The following CEP97 variants were observed in gnomAD, a reference collection of about 807,000 sequenced individuals.
CEP97 encodes the protein centrosomal protein 97.
Under a neutral mutation model 73.1 loss-of-function variants are expected in CEP97, and 43 were observed. The observed-to-expected ratio is 0.59, with a 90% CI of 0.46 to 0.76. CEP97 has a LOEUF of 0.76. CEP97 is among the 30% of genes least tolerant of loss of function. The pLI, the probability that CEP97 is intolerant of heterozygous loss-of-function variation, is 0.00. For synonymous variants in CEP97, 337 were observed against 370.0 expected (o/e 0.91, Z 1.02); for missense variants, 939 against 1,014.0 (o/e 0.93, Z 1.00).
At chr3:101,747,178 G>A (rs1938643722) in intron 6 of CEP97, among the ~76,000 whole-genome samples, 1 of 151,510 alleles carries the variant, frequency 6.6e-6, no homozygotes, top group Non-Finnish European at 1.5e-5. Flanking sequence ...CCCATTACTG[G>A]GTATATACCC....
chr3:101,762,320 AAAAAAT>A (rs1289626037), intron 9 of CEP97, among the ~76,000 whole-genome samples, 159 bp from the exon 10 acceptor site: 1 of 151,596 alleles, frequency 6.6e-6, no homozygotes, highest in Non-Finnish European at 1.5e-5. Context: ...TCTGAGGTTA[AAAAAAT>A]AAAAATAAAA....
At chr3:101,750,073 C>T (rs1000871443) in intron 6 of CEP97, among the ~76,000 whole-genome samples, 1 of 142,754 alleles carries the variant, frequency 7.0e-6, no homozygotes, top group Admixed American at 7.0e-5. Flanking sequence ...CTTGCCCATG[C>T]CTATGTCCTG....
rs150586600 is a variant in CEP97, at chr3:101,758,009, G to T, written c.1403G>T (p.Arg468Ile). ...AANENSVQMM[R>I]SEINTEVNEK... ...AATGAGAATTCTGTTCAAATGATGA[G>T]AAGTGAAATCAATACAGAGGTAAAT... The change falls in exon 9 of 11, where the codon AGA becomes ATA. Residue 468 changes from arginine to isoleucine, a missense_variant. Coordinates refer to ENST00000341893, the MANE Select transcript of CEP97 (RefSeq NM_024548.4). 81 of 1,614,228 alleles carry T rather than the reference G, an allele frequency of 5.0e-5. No individual in the cohort carries two copies. In the African/African-American group the frequency reaches 1.0e-3, roughly 20 times the overall value.
intron 4 of CEP97, 110 bp from the exon 5 acceptor site, chr3:101,731,730 A>G (rs1171590076): frequency 3.1e-6 from 2 of 647,318 alleles, no homozygotes; most frequent in Admixed American, 2.7e-5. Flanking sequence ...GATGAGAAAT[A>G]TAATAAAGTA....
rs906073423 is a variant in CEP97, at chr3:101,768,958, A to G, written c.*3407A>G. 2.0e-5 allele frequency: 3 copies of G among 152,202 alleles called. No individual in the cohort carries two copies. The highest frequency in any genetic ancestry group is 2.0e-4 in the Admixed American group (3 of 15,268). The allele number at this position is 152,202 out of a possible 1,614,324, so 9.4% of individuals were successfully genotyped here. A position where few individuals can be genotyped will look rare whatever the true frequency, so the allele number is the denominator to read the frequency against. On this transcript the variant is annotated 3_prime_UTR_variant, in exon 11 of 11. Coordinates refer to ENST00000341893, the MANE Select transcript of CEP97 (RefSeq NM_024548.4). ...GTTTTAGGAAAATGTTCATTTATTT[A>G]GTCATATAATCGTTTGTATATATGT...
chr3:101,727,436 G>C lies in CEP97; in HGVS notation c.240G>C (p.Thr80=), dbSNP rs548722311. 1.2e-6 allele frequency: 2 copies of C among 1,613,906 alleles called. No homozygotes were observed. Among genetic ancestry groups the C allele is most frequent in the South Asian group, 1.1e-5 (1 of 91,064 alleles). ...GGATGATGGGTGTGGCCAAGCTGAC[G>C]TTGCTTCGTGTATTAAATTTGCCTC... ...LVRMMGVAKL[T]LLRVLNLPHN... Residue 80 remains threonine, a synonymous_variant, in exon 3 of 11, where the codon ACG becomes ACC. Transcript: ENST00000341893.
At chr3:101,755,330 G>T (rs1014824383) in intron 6 of CEP97, 100 bp from the exon 7 acceptor site, 10 of 971,406 alleles carry the variant, frequency 1.0e-5, no homozygotes, top group Non-Finnish European at 1.6e-5. Flanking sequence ...ACATACAATG[G>T]TGCTATAAAG....
intron 6 of CEP97, among the ~76,000 whole-genome samples, chr3:101,746,836 AAAAC>A (rs1341487525): frequency 2.7e-5 from 4 of 149,728 alleles, no homozygotes; most frequent in East Asian, 3.9e-4. Flanking sequence ...TTACAAGAAA[AAAAC>A]AAACAACCCC....
At chr3:101,757,427 A>G (rs190066405) in intron 8 of CEP97, among the ~76,000 whole-genome samples, 1 of 152,326 alleles carries the variant, frequency 6.6e-6, no homozygotes, top group East Asian at 1.9e-4. Context: ...CCTTTTATAT[A>G]GACCTGATGC....
At chr3:101,725,143 G>A (rs1937837837) in intron 1 of CEP97, among the ~76,000 whole-genome samples, 3 of 152,206 alleles carry the variant, frequency 2.0e-5, no homozygotes. Context: ...CCTTCCCTCA[G>A]AGACCGCTGC....
At chr3:101,743,087 A>T (rs1460453820) in intron 6 of CEP97, among the ~76,000 whole-genome samples, 1 of 151,962 alleles carries the variant, frequency 6.6e-6, no homozygotes, top group Non-Finnish European at 1.5e-5. Flanking sequence ...CTACAAAAAA[A>T]TACAAAAAAT....
intron 6 of CEP97, among the ~76,000 whole-genome samples, chr3:101,748,171 C>T (rs1304494269): frequency 4.4e-5 from 6 of 137,636 alleles, no homozygotes; most frequent in Non-Finnish European, 6.2e-5. Context: ...TATGTTAGAG[C>T]TGAATGAGTC....
At chr3:101,744,600 A>AT (rs1938559643) in intron 6 of CEP97, among the ~76,000 whole-genome samples, 1 of 151,456 alleles carries the variant, frequency 6.6e-6, no homozygotes, top group South Asian at 2.1e-4. Flanking sequence ...AAAAAAAAAA[A>AT]GGATAGAGTT....
At chr3:101,764,116 C>T (rs1375249919) in intron 10 of CEP97, among the ~76,000 whole-genome samples, 1 of 152,140 alleles carries the variant, frequency 6.6e-6, no homozygotes. Context: ...TTTCTAGCTC[C>T]AGTTCTGCCA....
In CEP97 at chr3:101,728,930, C is replaced by G; in HGVS notation, c.440C>G (p.Ser147Cys). The G allele has an allele frequency of 6.7e-7, 1 of 1,488,540 alleles. No individual in the cohort carries two copies. The highest frequency in any genetic ancestry group is 9.3e-7 in the Non-Finnish European group (1 of 1,070,548). 92.2% of individuals were successfully genotyped at this position (1,488,540 alleles called of 1,614,324 possible). Reference protein sequence around the residue: ...SQIGDLSKLVSLKTLLLHGNI... With the variant: ...SQIGDLSKLVCLKTLLLHGNI... ...ATAGGTGATCTATCTAAATTGGTAT[C>G]CCTGAAAGTAAGTATGTTTTCTTTG... is the stretch of plus-strand genomic sequence containing the variant. Residue 147 changes from serine (S) to cysteine (C), a missense_variant, in exon 4 of 11, where the codon TCC becomes TGC. By Grantham distance (112) the Ser-to-Cys change is moderately radical. Coordinates refer to ENST00000341893, the MANE Select transcript of CEP97 (RefSeq NM_024548.4).
chr3:101,726,886 A>G (rs1213616458), intron 2 of CEP97, 150 bp downstream of exon 2: 10 of 553,934 alleles, frequency 1.8e-5, no homozygotes, highest in South Asian at 5.2e-5. Flanking sequence ...CTGAAGATGA[A>G]CATACATGTA....
chr3:101,730,231 T>TTTTGTTTTGTTTTG (rs1560008268), intron 4 of CEP97, among the ~76,000 whole-genome samples: 48 of 145,010 alleles, frequency 3.3e-4, no homozygotes, highest in African/African-American at 8.6e-4. Context: ...CGAGTCTGTT[T>TTTTGTTTTGTTTTG]TTTTGTTTTG....
At chr3:101,763,492 C>T (rs1939222238) in intron 10 of CEP97, among the ~76,000 whole-genome samples, 1 of 151,734 alleles carries the variant, frequency 6.6e-6, no homozygotes, top group Non-Finnish European at 1.5e-5. Context: ...ACTACAGGCA[C>T]ACACCAGTGT....
At chr3:101,728,262 GT>G (rs5851280) in intron 3 of CEP97, among the ~76,000 whole-genome samples, 45,955 of 135,258 alleles carry the variant, frequency 0.34, 7,096 homozygotes, top group African/African-American at 0.39. Context: ...GGTTTCTTTT[GT>G]TTTTTTTTTT....
Sources: allele counts gnomAD v4.1 joint callset (sites outside exome capture counted in the v4.1 genomes callset), GRCh38; gene constraint gnomAD v4.1.1; transcripts MANE v1.5; gene names NCBI Gene and HGNC (gene_info 2026-07-23, HGNC 2026-07-21).